CYP4F22: variants seen among roughly 807,000 people sequenced by gnomAD.
CYP4F22 encodes the protein cytochrome P450 family 4 subfamily F member 22, also known as ultra-long-chain fatty acid omega-hydroxylase.
CYP4F22 carries 37 observed loss-of-function variants against 60.4 expected under a neutral mutation model. The ratio of observed to expected loss-of-function variants is 0.61; its 90% CI spans 0.47 to 0.81. The LOEUF is 0.81. Ranked by LOEUF, CYP4F22 falls within the 30% of genes least tolerant of loss-of-function variation. The pLI is 0.00. For missense variants in CYP4F22, 655 were observed against 715.0 expected (o/e 0.92, Z 0.96); for synonymous variants, 258 against 280.5 (o/e 0.92, Z 0.80).
At chr19:15,532,324 CCTTCTCCTT>C (rs890220142) in intron 4 of CYP4F22, among the ~76,000 whole-genome samples, 2 of 150,268 alleles carry the variant, frequency 1.3e-5, no homozygotes, top group African/African-American at 4.9e-5. Flanking sequence ...TCCTTCTCCT[CCTTCTCCTT>C]CTTCTCCTCC....
chr19:15,538,300 G>C (rs977415847), intron 7 of CYP4F22, among the ~76,000 whole-genome samples: 2 of 152,140 alleles, frequency 1.3e-5, no homozygotes. Flanking sequence ...ACTAGGAAGA[G>C]TATGTGGTCT....
chr19:15,508,663 T>C (rs1971047841), intron 1 of CYP4F22, 80 bp downstream of exon 1: 1 of 152,316 alleles, frequency 6.6e-6, no homozygotes. Flanking sequence ...CGCGGTTCGG[T>C]GCTGGCGGGG....
intron 3 of CYP4F22, among the ~76,000 whole-genome samples, chr19:15,527,933 G>C (rs994092739): frequency 6.6e-6 from 1 of 152,214 alleles, no homozygotes; most frequent in Admixed American, 6.5e-5. Flanking sequence ...GGGTGGGTTT[G>C]AACTTGGATT....
chr19:15,530,646 T>C (rs1971332981), intron 4 of CYP4F22, among the ~76,000 whole-genome samples: 1 of 151,902 alleles, frequency 6.6e-6, no homozygotes, highest in Admixed American at 6.6e-5. Flanking sequence ...AAACTTACAA[T>C]CATGGCGGAA....
At chr19:15,541,792 A>G (rs1971465658) in intron 8 of CYP4F22, among the ~76,000 whole-genome samples, 1 of 150,774 alleles carries the variant, frequency 6.6e-6, no homozygotes, top group Non-Finnish European at 1.5e-5. Flanking sequence ...AGGCAAAAGA[A>G]TCACTTGAAC....
intron 4 of CYP4F22, among the ~76,000 whole-genome samples, chr19:15,530,488 C>T (rs914556776): frequency 1.6e-4 from 24 of 152,256 alleles, no homozygotes; most frequent in African/African-American, 5.3e-4. Flanking sequence ...TCCTCATGAG[C>T]GGGACTCTGG....
chr19:15,533,901 T>C (rs1971369652), intron 4 of CYP4F22, among the ~76,000 whole-genome samples: 2 of 152,176 alleles, frequency 1.3e-5, no homozygotes, highest in South Asian at 2.1e-4. Context: ...ATCATGCTAC[T>C]ATGAACATAT....
intron 1 of CYP4F22, among the ~76,000 whole-genome samples, chr19:15,512,063 C>T (rs1380666771): frequency 6.6e-6 from 1 of 152,176 alleles, no homozygotes; most frequent in Non-Finnish European, 1.5e-5. Context: ...TTGAATTGCT[C>T]TCACTTCTAT....
chr19:15,537,221 A>G, intron 4 of CYP4F22, 140 bp from the exon 5 acceptor site: 1 of 1,107,370 alleles, frequency 9.0e-7, no homozygotes, highest in Non-Finnish European at 1.3e-6. Context: ...AAACTGCTTG[A>G]ACCTGGGAGG....
In CYP4F22 at chr19:15,551,405, G is replaced by A. The variant is rs1374490112; in HGVS notation, c.1530G>A (p.Pro510=). 3 of 1,602,554 alleles carry A rather than the reference G, an allele frequency of 1.9e-6. No homozygotes were observed. The South Asian group carries it at 3.4e-5, about 18-fold the overall frequency. ...VDRTRKVRRK[P]ELILRTENGL... ...GAACGCGCAAGGTGCGGCGGAAGCC[G>A]GAGCTCATACTGCGCACGGAGAACG... Residue 510 remains proline (P), a synonymous_variant, in exon 14 of 14, where the codon CCG becomes CCA. Coordinates refer to ENST00000269703, the MANE Select transcript of CYP4F22 (RefSeq NM_173483.4).
chr19:15,546,743 C>T (rs1191958867), intron 10 of CYP4F22, among the ~76,000 whole-genome samples: 2 of 151,692 alleles, frequency 1.3e-5, no homozygotes, highest in East Asian at 3.9e-4. Flanking sequence ...TTTCTTTTTT[C>T]TTTTTTTCTT....
intron 8 of CYP4F22, among the ~76,000 whole-genome samples, chr19:15,541,669 T>C (rs1410428335): frequency 6.6e-6 from 1 of 150,960 alleles, no homozygotes; most frequent in Non-Finnish European, 1.5e-5. Flanking sequence ...TCACTTGAGG[T>C]CAGGAATTCG....
Position 15,544,133 on chromosome 19 carries a change from C to G in CYP4F22, c.1007-17C>G. The G allele has an allele frequency of 1.9e-6, 3 of 1,614,172 alleles. No homozygotes were observed. Among genetic ancestry groups the G allele is most frequent in the Non-Finnish European group, 2.5e-6 (3 of 1,180,042 alleles). On this transcript the variant is annotated splice_polypyrimidine_tract_variant and intron_variant, in intron 9 of 13. Coordinates refer to ENST00000269703, the MANE Select transcript of CYP4F22 (RefSeq NM_173483.4). ...TCTTCAGGCAGCCTCCATTCAGATA[C>G]CCTCATCTCCCTGCAGGTCACGACA...
rs745368359 is a variant in CYP4F22 at position 15,544,227 on chromosome 19, C to T, written c.1084C>T (p.Arg362Ter). The change falls in exon 10 of 14, where the codon CGA (arginine) becomes TGA (stop). Residue 362 changes from arginine to a stop codon, truncating the protein, a stop_gained. Transcript: ENST00000269703. LOFTEE classifies it high-confidence loss of function. ...AKYPEYQEKC[R>*]EEIQEVMKGR... ...GTATCCGGAATACCAGGAGAAATGC[C>T]GAGAAGAGATTCAGGAAGTCATGAA... is the stretch of plus-strand genomic sequence containing the variant. 8.1e-6 allele frequency: 13 copies of T among 1,613,830 alleles called. No individual in the cohort carries two copies. Among genetic ancestry groups the T allele is most frequent in the Admixed American group, 1.7e-5 (1 of 59,952 alleles).
chr19:15,534,442 A>G (rs1971374560), intron 4 of CYP4F22, among the ~76,000 whole-genome samples: 1 of 151,208 alleles, frequency 6.6e-6, no homozygotes, highest in Non-Finnish European at 1.5e-5. Context: ...CGTCTCATCC[A>G]TGGTAGGCAT....
intron 1 of CYP4F22, among the ~76,000 whole-genome samples, chr19:15,521,964 G>A (rs917318363): frequency 3.4e-4 from 51 of 152,038 alleles, no homozygotes; most frequent in African/African-American, 1.2e-3. Flanking sequence ...GGCCAGCATG[G>A]TGAAACTCTG....
Position 15,509,901 on chromosome 19 carries a change from C to CTTTCT in CYP4F22, c.-109+1320_-109+1321insTCTTT, listed in dbSNP as rs1568350812. ...CCTTCCTTCCTTCCTTCCTTCCTTC[C>CTTTCT]TTCCTTTCTTTCTTTCCTTCCTTCT... On this transcript the variant is annotated intron_variant, in intron 1 of 13. Coordinates refer to ENST00000269703, the MANE Select transcript of CYP4F22 (RefSeq NM_173483.4). Among the ~76,000 whole-genome samples, 698 of 113,784 alleles carry CTTTCT rather than the reference C, an allele frequency of 6.1e-3. 8 individuals carry two copies. Among genetic ancestry groups the CTTTCT allele is most frequent in the African/African-American group, 0.016 (502 of 32,202 alleles). 74.6% of individuals were successfully genotyped at this position (113,784 alleles called of 152,430 possible). A position where few individuals can be genotyped will look rare whatever the true frequency, so the allele number is the denominator to read the frequency against.
chr19:15,510,487 G>T (rs1183490517), intron 1 of CYP4F22, among the ~76,000 whole-genome samples: 1 of 152,128 alleles, frequency 6.6e-6, no homozygotes, highest in Non-Finnish European at 1.5e-5. Context: ...TCAGAGAGGT[G>T]CAGACACTCA....
chr19:15,543,286 A>G (rs2035602444), intron 8 of CYP4F22, among the ~76,000 whole-genome samples: 1 of 152,078 alleles, frequency 6.6e-6, no homozygotes, highest in African/African-American at 2.4e-5. Flanking sequence ...TGCAGCCTTG[A>G]TCTCCTGGGC....
Sources: gnomAD v4.1 joint callset for allele counts (sites outside exome capture counted in the v4.1 genomes callset) on GRCh38, gnomAD v4.1.1 for gene constraint, MANE v1.5 for transcripts, NCBI Gene and HGNC (gene_info 2026-07-23, HGNC 2026-07-21) for gene names.